The following PRPF8 variants were observed in gnomAD, a reference collection of about 807,000 sequenced individuals.
PRPF8 encodes the protein pre-mRNA processing factor 8, also known as pre-mRNA-processing-splicing factor 8.
In PRPF8, 64 loss-of-function variants were observed where a neutral mutation model predicts 285.9. The observed-to-expected ratio is 0.22, with a 90% CI of 0.18 to 0.28. The LOEUF is 0.28. Ranked by LOEUF, PRPF8 falls within the 10% of genes least tolerant of loss-of-function variation. The pLI is 1.00. For synonymous variants in PRPF8, 1,325 were observed against 1,118.2 expected (o/e 1.18, Z -3.69); for missense variants, 1,426 against 3,026.7 (o/e 0.47, Z 12.41).
Position 1,659,966 on chromosome 17 carries a change from C to T in PRPF8, c.4821G>A (p.Glu1607=). The T allele has an allele frequency of 6.2e-7, 1 of 1,614,116 alleles. No homozygotes were observed. The highest frequency in any genetic ancestry group is 1.3e-5 in the African/African-American group (1 of 75,032). ...FDQELDALEI[E]TVQKETIHPR... ...GATGGATTGTCTCCTTTTGTACTGT[C>T]TCAATTTCCAGTGCATCAAGTTCCT... is the stretch of plus-strand genomic sequence containing the variant. The change falls in exon 31 of 43, where the codon GAG becomes GAA. Residue 1607 remains glutamate (E), a synonymous_variant. Transcript: ENST00000304992. This position sits in a 1 kb window ranked among gnomAD's most constrained non-coding sequence, Gnocchi z 5.1.
At position 1,678,795 on chromosome 17, in the gene PRPF8, C is replaced by T. The variant is rs1488163667; in HGVS notation, c.1686G>A (p.Val562=). 6.2e-7 allele frequency: 1 copy of T among 1,614,126 alleles called. No homozygotes were observed. Among genetic ancestry groups the T allele is most frequent in the South Asian group, 1.1e-5 (1 of 91,086 alleles). The change falls in exon 12 of 43, where the codon GTG becomes GTA. Residue 562 remains valine (V), a synonymous_variant. Coordinates refer to ENST00000304992, the MANE Select transcript of PRPF8 (RefSeq NM_006445.4). ...RLTKLVVDSH[V]QYRLGNVDAF... ...CATCCACATTGCCCAGCCGATACTG[C>T]ACGTGACTATCCACCACCAGCTTAG...
At position 1,661,356 on chromosome 17, in the gene PRPF8, C is replaced by T. The variant is rs747394656; in HGVS notation, c.4253G>A (p.Arg1418Gln). The T allele has an allele frequency of 1.2e-6, 2 of 1,614,122 alleles. No homozygotes were observed. Among genetic ancestry groups the T allele is most frequent in the Non-Finnish European group, 1.7e-6 (2 of 1,180,032 alleles). ...LEDSWDRGIP[R>Q]INTLFQKDRH... ...GTCCTTCTGGAAGAGGGTATTGATT[C>T]GAGGAATGCCACGATCCCATGAATC... The change falls in exon 27 of 43, where the codon CGA becomes CAA. Residue 1418 changes from arginine to glutamine, a missense_variant. By Grantham distance (43) the Arg-to-Gln change is conservative. Coordinates refer to ENST00000304992, the MANE Select transcript of PRPF8 (RefSeq NM_006445.4). The surrounding 1 kb of genome is among the most constrained non-coding windows in gnomAD (Gnocchi z 7.3).
chr17:1,682,991 T>TTCTTC (rs1913018908), intron 3 of PRPF8: 1 of 179,284 alleles, frequency 5.6e-6, no homozygotes, highest in Admixed American at 5.5e-5. Flanking sequence ...GGACATCTTA[T>TTCTTC]TTTTCATTTT....
At position 1,676,919 on chromosome 17, in the gene PRPF8, G is replaced by A; in HGVS notation, c.2181+57C>T. 6.3e-7 allele frequency: 1 copy of A among 1,596,130 alleles called. No individual in the cohort carries two copies. Among genetic ancestry groups the A allele is most frequent in the Non-Finnish European group, 8.6e-7 (1 of 1,168,472 alleles). On this transcript the variant is annotated intron_variant, in intron 15 of 42. Transcript: ENST00000304992. The surrounding 1 kb of genome is among the most constrained non-coding windows in gnomAD (Gnocchi z 6.3). The stretch of plus-strand genomic sequence containing the variant: ...TAGCCCCCTAATGATTCCCGAAGTG[G>A]TAATCCTACCCTAAAGACGGATGTT...
intron 24 of PRPF8, among the ~76,000 whole-genome samples, chr17:1,671,850 C>CAAAAA (rs1225346730): frequency 1.0e-4 from 5 of 49,810 alleles, no homozygotes; most frequent in East Asian, 5.6e-4. Context: ...GACTCCATCT[C>CAAAAA]AAAAAAAAAA....
In PRPF8 at chr17:1,658,607, A is replaced by C. The variant is rs183960972; in HGVS notation, c.5295T>G (p.Ser1765=). The C allele has an allele frequency of 6.2e-7, 1 of 1,614,220 alleles. No individual in the cohort carries two copies. Among genetic ancestry groups the C allele is most frequent in the African/African-American group, 1.3e-5 (1 of 75,062 alleles). The stretch of plus-strand genomic sequence containing the variant: ...TGGAGAAGAGCTCACCATAGTTCTG[A>C]GAAGACAAATAAGGCTCAGTGGGTT... ...SSEPTEPYLS[S]QNYGELFSNQ... The change falls in exon 33 of 43, where the codon TCT becomes TCG. Residue 1765 remains serine (S), a synonymous_variant. Coordinates refer to ENST00000304992, the MANE Select transcript of PRPF8 (RefSeq NM_006445.4). The surrounding 1 kb of genome is among the most constrained non-coding windows in gnomAD (Gnocchi z 4.1).
Position 1,675,867 on chromosome 17 carries a change from A to C in PRPF8, c.2680-55T>G. 9 of 1,605,922 alleles carry C rather than the reference A, an allele frequency of 5.6e-6. No homozygotes were observed. Among genetic ancestry groups the C allele is most frequent in the Non-Finnish European group, 7.6e-6 (9 of 1,178,546 alleles). ...ATCCACCAACTGCTACCTTTGGTAG[A>C]ACCAAAGGCAACTGCTACCTTTGGT... On this transcript the variant is annotated intron_variant, in intron 18 of 42. Transcript: ENST00000304992. The surrounding 1 kb of genome is among the most constrained non-coding windows in gnomAD (Gnocchi z 6.0).
Position 1,678,881 on chromosome 17 carries a change from C to T in PRPF8, c.1600G>A (p.Glu534Lys). Reference sequence around the variant, plus strand: ...TTCCCAAAACGAGATTTCTTTCTTTCCTGGAGAAGATGCAAAAAACAGACA... The same window carrying T: ...TTCCCAAAACGAGATTTCTTTCTTTTCTGGAGAAGATGCAAAAAACAGACA... ...LKPVKTLTTK[E>K]RKKSRFGNAF... is the part of the protein sequence containing the mutation. The change falls in exon 12 of 43, where the codon GAA (glutamate) becomes AAA (lysine). Residue 534 changes from glutamate (E) to lysine (K), a missense_variant and splice_region_variant. By Grantham distance (56) the Glu-to-Lys change is moderately conservative. This residue lies in a region of PRPF8 where 10 missense variants were observed against 79.9 expected (regional missense o/e 0.13). Coordinates refer to ENST00000304992, the MANE Select transcript of PRPF8 (RefSeq NM_006445.4). 1 of 1,614,108 alleles carries T rather than the reference C, an allele frequency of 6.2e-7. No homozygotes were observed. Among genetic ancestry groups the T allele is most frequent in the Non-Finnish European group, 8.5e-7 (1 of 1,180,032 alleles).
chr17:1,664,372 G>T (rs1478029366), intron 24 of PRPF8, among the ~76,000 whole-genome samples: 1 of 152,136 alleles, frequency 6.6e-6, no homozygotes, highest in Non-Finnish European at 1.5e-5. Context: ...TAAGGATATA[G>T]AAGACTTAAG....
chr17:1,674,364 C>G lies in PRPF8; in HGVS notation c.3299+78G>C, dbSNP rs567599501. On this transcript the variant is annotated intron_variant, in intron 21 of 42. Transcript: ENST00000304992. ...AGCCCCAACAGCAGTTAAGTCAACT[C>G]AGGTACAATAGCTGATTTCAGAGGC... 17 of 1,431,814 alleles carry G rather than the reference C, an allele frequency of 1.2e-5. No homozygotes were observed. The African/African-American group carries it at 2.4e-4, about 20-fold the overall frequency. The allele number at this position is 1,431,814 out of a possible 1,614,324, so 88.7% of individuals were successfully genotyped here. A position where few individuals can be genotyped will look rare whatever the true frequency, so the allele number is the denominator to read the frequency against.
chr17:1,669,493 A>G (rs765453072), intron 24 of PRPF8, among the ~76,000 whole-genome samples: 3 of 152,070 alleles, frequency 2.0e-5, no homozygotes, highest in Non-Finnish European at 4.4e-5. Context: ...AAACACCTGC[A>G]CTGACTTACA....
Position 1,659,786 on chromosome 17 carries a change from GA to G in PRPF8, c.4946+54del. 1 of 1,592,804 alleles carries G rather than the reference GA, an allele frequency of 6.3e-7. No homozygotes were observed. The highest frequency in any genetic ancestry group is 8.6e-7 in the Non-Finnish European group (1 of 1,162,648). ...AATTCCTAAAGTTGCAGGGCTAGAAGAACAGGAAAACGAAAGTGTCCTGGCT... is the reference window on the plus strand; with the variant it reads ...AATTCCTAAAGTTGCAGGGCTAGAAGACAGGAAAACGAAAGTGTCCTGGCT... On this transcript the variant is annotated intron_variant, in intron 31 of 42. Transcript: ENST00000304992. The surrounding 1 kb of genome is among the most constrained non-coding windows in gnomAD (Gnocchi z 5.1).
At chr17:1,672,808 T>C in intron 24 of PRPF8, 1 of 558,122 alleles carries the variant, frequency 1.8e-6, no homozygotes, top group East Asian at 3.1e-5. Context: ...TGCTTTTCTG[T>C]TCAAAATAAT....
chr17:1,653,711 C>G lies in PRPF8; in HGVS notation c.6228-28G>C, dbSNP rs1237316913. The G allele has an allele frequency of 3.1e-6, 5 of 1,614,158 alleles. No individual in the cohort carries two copies. Among genetic ancestry groups the G allele is most frequent in the Non-Finnish European group, 4.2e-6 (5 of 1,180,030 alleles). ...AAAAACAGGCAGGGAGTGTCAGCAT[C>G]GCTCAGCCCAGCACCTTAGGTAGTG... On this transcript the variant is annotated intron_variant, in intron 38 of 42. Transcript: ENST00000304992. This position sits in a 1 kb window ranked among gnomAD's most constrained non-coding sequence, Gnocchi z 4.9.
rs1912564249 is a variant in PRPF8 at position 1,675,522 on chromosome 17, T to C, written c.2872+98A>G. ...CACTACTTCCCTTTACTACCACGCA[T>C]CAAGAGAGTAAACCAATCATGCTAC... On this transcript the variant is annotated intron_variant, in intron 19 of 42. Transcript: ENST00000304992. The surrounding 1 kb of genome is among the most constrained non-coding windows in gnomAD (Gnocchi z 6.0). 3.3e-6 allele frequency: 5 copies of C among 1,528,278 alleles called. No individual in the cohort carries two copies. The highest frequency in any genetic ancestry group is 4.5e-6 in the Non-Finnish European group (5 of 1,103,900). 94.7% of individuals were successfully genotyped at this position (1,528,278 alleles called of 1,614,324 possible). A position where few individuals can be genotyped will look rare whatever the true frequency, so the allele number is the denominator to read the frequency against.
At chr17:1,678,474 ACT>A (rs759954211) in intron 13 of PRPF8, 42 bp downstream of exon 13, 131 of 1,611,298 alleles carry the variant, frequency 8.1e-5, no homozygotes, top group Middle Eastern at 6.6e-4. Context: ...CAAGAGTAAG[ACT>A]CTGTCTCAAA....
At chr17:1,664,324 C>G (rs1480660557) in intron 24 of PRPF8, among the ~76,000 whole-genome samples, 1 of 152,104 alleles carries the variant, frequency 6.6e-6, no homozygotes, top group Admixed American at 6.6e-5. Context: ...ATTTCTAATA[C>G]TCCTCAGTAA....
chr17:1,666,924 C>T lies in PRPF8; in HGVS notation c.3775-4771G>A, dbSNP rs141384812. Among the ~76,000 whole-genome samples the T allele has an allele frequency of 9.1e-3, 1,384 of 152,208 alleles. 15 individuals are homozygous for T. Among genetic ancestry groups the T allele is most frequent in the African/African-American group, 0.031 (1,288 of 41,528 alleles). ...GTGCGGTGGCTCATGCCTGTAATCC[C>T]AGCACTTTGGGAGGCCGAGGCGGTT... is the stretch of plus-strand genomic sequence containing the variant. On this transcript the variant is annotated intron_variant, in intron 24 of 42. Transcript: ENST00000304992.
Position 1,661,901 on chromosome 17 carries a change from T to C in PRPF8, c.4022+5A>G. On this transcript the variant is annotated splice_donor_5th_base_variant and intron_variant, in intron 25 of 42. Transcript: ENST00000304992. This position sits in a 1 kb window ranked among gnomAD's most constrained non-coding sequence, Gnocchi z 7.3. ...GGTTTAGAAATACGTTGAACCAGGC[T>C]GTACCTGAGGTCGGATTGGGGGATG... The C allele has an allele frequency of 2.5e-6, 4 of 1,614,190 alleles. No individual in the cohort carries two copies. Among genetic ancestry groups the C allele is most frequent in the Non-Finnish European group, 3.4e-6 (4 of 1,180,024 alleles).
Sources: allele counts gnomAD v4.1 joint callset (sites outside exome capture counted in the v4.1 genomes callset), GRCh38; gene constraint gnomAD v4.1.1; regional missense constraint gnomAD v4.1.1; non-coding constraint Gnocchi (gnomAD v3.1); transcripts MANE v1.5; gene names NCBI Gene and HGNC (gene_info 2026-07-23, HGNC 2026-07-21).